The following PCGF3 variants were observed in gnomAD, a reference collection of about 807,000 sequenced individuals.
The protein encoded by PCGF3 is polycomb group ring finger 3, also known as polycomb group RING finger protein 3.
A neutral mutation model predicts 33.1 loss-of-function variants in PCGF3; 7 were observed. The observed-to-expected ratio is 0.21, with a 90% confidence interval of 0.12 to 0.40. The LOEUF is 0.40. PCGF3 is among the 10% of genes least tolerant of loss of function. The pLI, the probability that PCGF3 is intolerant of heterozygous loss-of-function variation, is 1.00. For synonymous variants in PCGF3, 153 were observed against 121.3 expected (o/e 1.26, Z -1.72); for missense variants, 211 against 313.3 (o/e 0.67, Z 2.46).
intron 6 of PCGF3, among the ~76,000 whole-genome samples, chr4:741,358 T>C (rs531173269): frequency 6.6e-6 from 1 of 152,378 alleles, no homozygotes; most frequent in East Asian, 1.9e-4. Context: ...CAGGCTGGAC[T>C]GCCGCAGCTC....
chr4:748,058 G>A (rs1311196049), intron 8 of PCGF3, among the ~76,000 whole-genome samples: 2 of 152,302 alleles, frequency 1.3e-5, no homozygotes, highest in Non-Finnish European at 2.9e-5. Context: ...AAGCCTGGCA[G>A]TGTGTTGAAA....
chr4:730,952 G>C lies in PCGF3; in HGVS notation c.-150-18G>C, dbSNP rs1276376269. 2 of 398,264 alleles carry C rather than the reference G, an allele frequency of 5.0e-6. No individual in the cohort carries two copies. The highest frequency in any genetic ancestry group is 8.9e-6 in the Non-Finnish European group (2 of 225,864). The allele number at this position is 398,264 out of a possible 1,614,324, so 24.7% of individuals were successfully genotyped here. ...TCCATGACGCGAAGTGAACTAACAG[G>C]TGCCGTTTCTGTGCTAGAAAATGGA... is the stretch of plus-strand genomic sequence containing the variant. On this transcript the variant is annotated intron_variant, in intron 2 of 10. Coordinates refer to ENST00000362003, the Ensembl canonical transcript of PCGF3.
chr4:720,337 G>A lies in PCGF3; in HGVS notation c.-189-10293G>A, dbSNP rs533476573. Among the ~76,000 whole-genome samples the A allele has an allele frequency of 3.3e-5, 5 of 152,152 alleles. No individual in the cohort carries two copies. The highest frequency in any genetic ancestry group is 9.6e-5 in the African/African-American group (4 of 41,534). ...TGGGGAGGGTGACTGCGGGAGGAGCGCCTGTGCATCGCTGTGGAGGGTGAC... is the reference window on the plus strand; with the variant it reads ...TGGGGAGGGTGACTGCGGGAGGAGCACCTGTGCATCGCTGTGGAGGGTGAC... On this transcript the variant is annotated intron_variant, in intron 1 of 10. Transcript: ENST00000362003. The surrounding 1 kb of genome is among the most constrained non-coding windows in gnomAD (Gnocchi z 5.6).
At chr4:710,024 C>T (rs4690187) in intron 1 of PCGF3, among the ~76,000 whole-genome samples, 39,007 of 152,106 alleles carry the variant, frequency 0.26, 5,358 homozygotes, top group South Asian at 0.36. Flanking sequence ...CTGTCTGGTT[C>T]CCAGGCTTTT....
At chr4:762,011 G>A in intron 9 of PCGF3, 3 of 985,346 alleles carry the variant, frequency 3.0e-6, no homozygotes, top group Non-Finnish European at 3.6e-6. Context: ...CGCAGGAGAG[G>A]CCAGCGCCAG....
At chr4:737,120 C>T (rs1295576089) in intron 5 of PCGF3, among the ~76,000 whole-genome samples, 13 of 115,282 alleles carry the variant, frequency 1.1e-4, no homozygotes, top group Admixed American at 8.6e-4. Flanking sequence ...GTCCCCTGAG[C>T]GCACGGGACG....
intron 4 of PCGF3, 161 bp downstream of exon 4, chr4:733,950 G>A (rs1351293371): frequency 2.4e-5 from 37 of 1,552,718 alleles, no homozygotes; most frequent in Admixed American, 5.9e-5. Context: ...AGTCAGAAAA[G>A]TCATTTCACG....
chr4:768,490 CAGAT>C (rs1745477533), exon 11 of PCGF3: 4 of 150,680 alleles, frequency 2.7e-5, no homozygotes, highest in Admixed American at 6.6e-5. Flanking sequence ...TTTTTTTAAA[CAGAT>C]GGAGTTACTG....
At chr4:739,858 C>T (rs905062959) in intron 6 of PCGF3, among the ~76,000 whole-genome samples, 7 of 152,218 alleles carry the variant, frequency 4.6e-5, no homozygotes, top group African/African-American at 7.2e-5. Flanking sequence ...CAAGAGGTTC[C>T]GGAGTGCTCC....
intron 8 of PCGF3, among the ~76,000 whole-genome samples, chr4:749,505 C>T (rs1454231744): frequency 6.1e-5 from 4 of 65,758 alleles, no homozygotes; most frequent in African/African-American, 1.2e-4. Flanking sequence ...TTTTTTGAGA[C>T]AGTCTCACTT....
exon 11 of PCGF3, chr4:766,239 C>CT: frequency 1.6e-6 from 1 of 610,338 alleles, no homozygotes; most frequent in Admixed American, 2.8e-5. Flanking sequence ...CAACAAGACA[C>CT]TACCAGCACC....
At chr4:710,420 G>A (rs1488539455) in intron 1 of PCGF3, among the ~76,000 whole-genome samples, 1 of 152,228 alleles carries the variant, frequency 6.6e-6, no homozygotes, top group Non-Finnish European at 1.5e-5. Flanking sequence ...CACACTTGAG[G>A]GGAGGGGACT....
In PCGF3 at chr4:729,428, GAAAT is replaced by G. The variant is rs542840474; in HGVS notation, c.-189-1199_-189-1196del. Among the ~76,000 whole-genome samples the G allele has an allele frequency of 6.8e-3, 1,010 of 148,356 alleles. 7 individuals carry two copies. The highest frequency in any genetic ancestry group is 0.011 in the Non-Finnish European group (753 of 66,408). On this transcript the variant is annotated intron_variant, in intron 1 of 10. Coordinates refer to ENST00000362003, the Ensembl canonical transcript of PCGF3. ...AGATCCTGTCTCAAAAAAAAAAAAA[GAAAT>G]AATAATAATTATAATGAGATCCTTC...
At chr4:761,180 G>C in intron 8 of PCGF3, 99 bp from the exon 9 acceptor site, 2 of 1,003,488 alleles carry the variant, frequency 2.0e-6, no homozygotes, top group Non-Finnish European at 1.4e-6. Flanking sequence ...AAGGTCAGCA[G>C]TCCTAGATTG....
At chr4:724,721 C>T (rs1428313134) in intron 1 of PCGF3, among the ~76,000 whole-genome samples, 1 of 152,016 alleles carries the variant, frequency 6.6e-6, no homozygotes, top group Admixed American at 6.5e-5. Flanking sequence ...TGGTGTGAAC[C>T]CGGGAGGCGG....
At chr4:766,955 G>C (rs1042349401) in exon 11 of PCGF3, 24 of 152,332 alleles carry the variant, frequency 1.6e-4, no homozygotes, top group African/African-American at 5.8e-4. Flanking sequence ...TTTTGCTGAA[G>C]GGAGAGGTGG....
At chr4:712,460 GTTTT>G (rs758874369) in intron 1 of PCGF3, among the ~76,000 whole-genome samples, 22 of 152,224 alleles carry the variant, frequency 1.4e-4, no homozygotes, top group Admixed American at 9.2e-4. Flanking sequence ...TTGTTTGTTT[GTTTT>G]GAGATGGAGT....
intron 1 of PCGF3, among the ~76,000 whole-genome samples, chr4:726,137 C>T (rs776358206): frequency 6.6e-6 from 1 of 152,228 alleles, no homozygotes; most frequent in Non-Finnish European, 1.5e-5. Flanking sequence ...GCCTGTGTGG[C>T]GCTGCGGCCG....
At chr4:733,959 C>T (rs759743263) in intron 4 of PCGF3, 170 bp downstream of exon 4, 51 of 1,551,716 alleles carry the variant, frequency 3.3e-5, no homozygotes, top group African/African-American at 5.5e-5. Context: ...AGTCATTTCA[C>T]GCTAAAGGTC....
Sources: allele counts gnomAD v4.1 joint callset (sites outside exome capture counted in the v4.1 genomes callset), GRCh38; gene constraint gnomAD v4.1.1; non-coding constraint Gnocchi (gnomAD v3.1); transcripts MANE v1.5; gene names NCBI Gene and HGNC (gene_info 2026-07-23, HGNC 2026-07-21).